Variants in HTR7 observed in about 807,000 individuals in gnomAD.
HTR7 encodes the protein 5-hydroxytryptamine receptor 7, also known as 5-HT-7.
In HTR7, 16 loss-of-function variants were observed where a neutral mutation model predicts 34.0. The observed-to-expected ratio is 0.47, with a 90% confidence interval of 0.32 to 0.71. The LOEUF (loss-of-function observed/expected upper bound fraction) is 0.71. HTR7 is among the 30% of genes least tolerant of loss of function. The probability of loss-of-function intolerance (pLI) is 0.04; values close to 1 mark genes in which losing one functional copy is unlikely to be tolerated. For missense variants in HTR7, 504 were observed against 625.5 expected, an observed-to-expected ratio of 0.81 and a Z score of 2.07; for synonymous variants, 265 against 260.2, an observed-to-expected ratio of 1.02 and a Z score of -0.18.
chr10:90,799,879 T>C, intron 1 of HTR7, among the ~76,000 whole-genome samples: 1 of 152,246 alleles, frequency 6.6e-6, no homozygotes, highest in Middle Eastern at 3.4e-3. Flanking sequence ...GTAATGATTT[T>C]TAAAAAATAA....
At chr10:90,745,818 C>T (rs1844624441) in intron 2 of HTR7, among the ~76,000 whole-genome samples, 1 of 152,162 alleles carries the variant, frequency 6.6e-6, no homozygotes, top group Non-Finnish European at 1.5e-5. Context: ...ACAAATTACT[C>T]ATCAGTGAGA....
intron 1 of HTR7, among the ~76,000 whole-genome samples, chr10:90,816,046 A>C (rs1305911010): frequency 6.6e-6 from 1 of 152,216 alleles, no homozygotes; most frequent in Non-Finnish European, 1.5e-5. Flanking sequence ...GAAATGGTTT[A>C]TATAGGATGA....
chr10:90,793,075 T>C (rs931436690), intron 1 of HTR7, among the ~76,000 whole-genome samples: 1 of 152,032 alleles, frequency 6.6e-6, no homozygotes, highest in Non-Finnish European at 1.5e-5. Flanking sequence ...CTTTAAAACA[T>C]CTGTGAATCA....
At position 90,770,128 on chromosome 10, in the gene HTR7, A is replaced by G. The variant is rs574693473; in HGVS notation, c.540-20534T>C. Among the ~76,000 whole-genome samples, 3 of 152,308 alleles carry G rather than the reference A, an allele frequency of 2.0e-5. No individual in the cohort carries two copies. In the East Asian group the frequency reaches 5.8e-4, roughly 29 times the overall value. On this transcript the variant is annotated intron_variant, in intron 1 of 3. Transcript: ENST00000336152. ...TCTGAAGCCCTGGCCCAGCATGACC[A>G]TTCTAGCATACCGCACCTGCGGGGA...
chr10:90,742,419 A>T lies in HTR7; in HGVS notation c.*63T>A, dbSNP rs1844566661. The T allele has an allele frequency of 3.8e-6, 5 of 1,305,824 alleles. No individual in the cohort carries two copies. The South Asian group carries it at 4.9e-5, about 13-fold the overall frequency. 80.9% of individuals were successfully genotyped at this position (1,305,824 alleles called of 1,614,324 possible). ...TGCATTCCATTCTGCAGACTCAGCA[A>T]ATGACTTCCTTCTGTTTCCACCTCT... On this transcript the variant is annotated 3_prime_UTR_variant, in exon 4 of 4. Transcript: ENST00000336152.
chr10:90,829,406 G>A (rs937965854), intron 1 of HTR7, among the ~76,000 whole-genome samples: 4 of 151,450 alleles, frequency 2.6e-5, no homozygotes, highest in African/African-American at 9.7e-5. Flanking sequence ...TTTAAGTTCT[G>A]GGATACATGT....
chr10:90,794,481 A>G (rs1484236201), intron 1 of HTR7, among the ~76,000 whole-genome samples: 1 of 152,072 alleles, frequency 6.6e-6, no homozygotes, highest in Non-Finnish European at 1.5e-5. Flanking sequence ...CATAATTTTT[A>G]TTTTTGTTTT....
chr10:90,809,241 G>C (rs1845761403), intron 1 of HTR7, among the ~76,000 whole-genome samples: 1 of 152,148 alleles, frequency 6.6e-6, no homozygotes, highest in Non-Finnish European at 1.5e-5. Context: ...TCTGCCACCT[G>C]CCTAGCAATT....
At chr10:90,756,568 A>G (rs1046134000) in intron 1 of HTR7, among the ~76,000 whole-genome samples, 3 of 152,222 alleles carry the variant, frequency 2.0e-5, no homozygotes, top group Non-Finnish European at 4.4e-5. Context: ...GAGGGAGAGA[A>G]GTAGATAAAA....
rs1273692317 is a variant in HTR7, at chr10:90,741,908, AGACCCTGC to A, written c.*566_*573del. 1.5e-5 allele frequency: 2 copies of A among 134,722 alleles called. No individual in the cohort carries two copies. The highest frequency in any genetic ancestry group is 3.4e-5 in the Non-Finnish European group (2 of 58,604). The allele number at this position is 134,722 out of a possible 1,614,324, so 8.3% of individuals were successfully genotyped here. A position where few individuals can be genotyped will look rare whatever the true frequency, so the allele number is the denominator to read the frequency against. On this transcript the variant is annotated 3_prime_UTR_variant, in exon 4 of 4. Coordinates refer to ENST00000336152, the MANE Select transcript of HTR7 (RefSeq NM_019859.4). ...AAGTACATAGGTGGGGAAATCACAG[AGACCCTGC>A]AGAAAAGCCAAACTATTTGACAGAA...
chr10:90,846,001 A>G (rs976028609), intron 1 of HTR7, among the ~76,000 whole-genome samples: 1 of 152,244 alleles, frequency 6.6e-6, no homozygotes, highest in South Asian at 2.1e-4. Context: ...CCAAGGTGGA[A>G]AAAAAAAGTG....
intron 1 of HTR7, among the ~76,000 whole-genome samples, chr10:90,802,507 G>A (rs1450211323): frequency 6.6e-6 from 1 of 152,190 alleles, no homozygotes; most frequent in East Asian, 1.9e-4. Flanking sequence ...TTTAAATGAA[G>A]AGGCTTTTGA....
At chr10:90,819,830 T>C (rs1845951388) in intron 1 of HTR7, among the ~76,000 whole-genome samples, 1 of 152,066 alleles carries the variant, frequency 6.6e-6, no homozygotes, top group Non-Finnish European at 1.5e-5. Flanking sequence ...CTAAAAGGCT[T>C]ATCCCAGAGA....
At chr10:90,760,055 C>T (rs540322792) in intron 1 of HTR7, among the ~76,000 whole-genome samples, 8 of 152,340 alleles carry the variant, frequency 5.3e-5, no homozygotes, top group Admixed American at 3.9e-4. Context: ...GGGACATCTG[C>T]ATCCCCACGT....
rs375798993 is a variant in HTR7 at position 90,772,608 on chromosome 10, A to AGT, written c.540-23016_540-23015dup. ...CTAATAAACTTACCGTCCATTTCTA[A>AGT]GTGTGTGTGTGTGGTGAGGGCGTCA... On this transcript the variant is annotated intron_variant, in intron 1 of 3. Transcript: ENST00000336152. Among the ~76,000 whole-genome samples, 7 of 152,094 alleles carry AGT rather than the reference A, an allele frequency of 4.6e-5. No homozygotes were observed. In the East Asian group the frequency reaches 1.2e-3, roughly 25 times the overall value.
intron 2 of HTR7, among the ~76,000 whole-genome samples, chr10:90,745,912 T>A (rs979647079): frequency 9.2e-5 from 14 of 152,214 alleles, no homozygotes; most frequent in African/African-American, 2.7e-4. Flanking sequence ...TTTGCTGACC[T>A]CTGTCTTAAG....
chr10:90,772,937 C>G (rs1845140784), intron 1 of HTR7, among the ~76,000 whole-genome samples: 2 of 152,200 alleles, frequency 1.3e-5, no homozygotes, highest in Admixed American at 6.5e-5. Flanking sequence ...CTCCCAACAT[C>G]ACATAATAAA....
At chr10:90,803,654 C>A (rs1845662403) in intron 1 of HTR7, among the ~76,000 whole-genome samples, 1 of 152,184 alleles carries the variant, frequency 6.6e-6, no homozygotes, top group South Asian at 2.1e-4. Flanking sequence ...GCCTGACCAT[C>A]ATCTGATGGT....
chr10:90,750,301 A>G (rs1298793625), intron 1 of HTR7, among the ~76,000 whole-genome samples: 1 of 152,186 alleles, frequency 6.6e-6, no homozygotes, highest in African/African-American at 2.4e-5. Flanking sequence ...TCACAAAACA[A>G]GGGTGCAATT....
Sources: allele counts gnomAD v4.1 joint callset (sites outside exome capture counted in the v4.1 genomes callset), GRCh38; gene constraint gnomAD v4.1.1; transcripts MANE v1.5; gene names NCBI Gene and HGNC (gene_info 2026-07-23, HGNC 2026-07-21).